C16orf96: variants seen among roughly 807,000 people sequenced by gnomAD.
C16orf96 encodes chromosome 16 open reading frame 96, also known as uncharacterized protein C16orf96.
In C16orf96, 108 loss-of-function variants were observed where a neutral mutation model predicts 103.6. That is an observed-to-expected ratio of 1.04 (90% CI 0.89 to 1.22). The LOEUF (loss-of-function observed/expected upper bound fraction) is 1.22, where lower values mean the gene tolerates loss of function less well. Ranked by LOEUF, C16orf96 falls within the 50% of genes most tolerant of loss-of-function variation. The pLI is 0.00. For synonymous variants in C16orf96, 566 were observed against 593.5 expected, an observed-to-expected ratio of 0.95 and a Z score of 0.67; for missense variants, 1,586 against 1,464.2, an observed-to-expected ratio of 1.08 and a Z score of -1.36.
intron 2 of C16orf96, 105 bp downstream of exon 2, chr16:4,571,770 A>C: frequency 1.0e-6 from 1 of 1,001,938 alleles, no homozygotes; most frequent in South Asian, 1.6e-5. Flanking sequence ...CCAAGAGTGC[A>C]GCTGTGAGGG....
At chr16:4,547,454 A>G in the C16orf96 span, among the ~76,000 whole-genome samples, 3 of 148,796 alleles carry the variant, frequency 2.0e-5, no homozygotes, top group East Asian at 1.9e-4. Flanking sequence ...TGTGTGATTC[A>G]GTTTACATTA....
At chr16:4,573,692 C>T (rs2059465934) in intron 2 of C16orf96, among the ~76,000 whole-genome samples, 1 of 137,198 alleles carries the variant, frequency 7.3e-6, no homozygotes, top group African/African-American at 2.8e-5. Context: ...GTGGAGCTTG[C>T]AGTGAGCCGA....
At position 4,594,805 on chromosome 16, in the gene C16orf96, TGAGG is replaced by T; in HGVS notation, c.3127+4_3127+7del. ...TGGCCGTCGCAAAGGAGCTGGCAGG[TGAGG>T]GGCGTAGGGCTCCCTGGGGCACCCT... On this transcript the variant is annotated splice_donor_5th_base_variant and intron_variant, in intron 14 of 15. Coordinates refer to ENST00000444310, the MANE Select transcript of C16orf96 (RefSeq NM_001145011.2). 1 of 1,549,690 alleles carries T rather than the reference TGAGG, an allele frequency of 6.5e-7. No individual in the cohort carries two copies. Among genetic ancestry groups the T allele is most frequent in the Non-Finnish European group, 8.7e-7 (1 of 1,146,752 alleles).
chr16:4,572,744 A>G (rs887822068), intron 2 of C16orf96, among the ~76,000 whole-genome samples: 1 of 152,166 alleles, frequency 6.6e-6, no homozygotes, highest in African/African-American at 2.4e-5. Flanking sequence ...CTCTGTCCAC[A>G]TGGAAAGTGG....
Position 4,576,096 on chromosome 16 carries a change from C to T in C16orf96, c.1616C>T (p.Pro539Leu). 6.4e-7 allele frequency: 1 copy of T among 1,551,082 alleles called. No homozygotes were observed. Among genetic ancestry groups the T allele is most frequent in the Non-Finnish European group, 8.7e-7 (1 of 1,146,816 alleles). Reference sequence around the variant, plus strand: ...GATAGAGGTGGCAAAGATGGGGACCCCAAGGATAGAGTTGGCAAGGATGGG... The same window carrying T: ...GATAGAGGTGGCAAAGATGGGGACCTCAAGGATAGAGTTGGCAAGGATGGG... ...PKDRGGKDGD[P>L]KDRVGKDGAP... The change falls in exon 5 of 16, where the codon CCC becomes CTC. Residue 539 changes from proline (P) to leucine (L), a missense_variant. Coordinates refer to ENST00000444310, the MANE Select transcript of C16orf96 (RefSeq NM_001145011.2).
At chr16:4,580,993 G>C (rs1417309805) in intron 7 of C16orf96, among the ~76,000 whole-genome samples, 3 of 151,030 alleles carry the variant, frequency 2.0e-5, no homozygotes, top group African/African-American at 4.9e-5. Context: ...GCGTGGTGGC[G>C]CATGCCTGTA....
chr16:4,586,105 C>G (rs1359066934), intron 7 of C16orf96, among the ~76,000 whole-genome samples: 1 of 152,106 alleles, frequency 6.6e-6, no homozygotes, highest in East Asian at 1.9e-4. Flanking sequence ...ACTAAAAATA[C>G]AAAACTTAGC....
chr16:4,555,486 C>T (rs370496829), upstream of C16orf96, among the ~76,000 whole-genome samples: 11 of 151,686 alleles, frequency 7.3e-5, no homozygotes, highest in East Asian at 1.8e-3. Flanking sequence ...CAATTCTCTG[C>T]CTCAGCCTCC....
At chr16:4,592,278 A>G in intron 10 of C16orf96, 27 bp from the exon 11 acceptor site, 3 of 1,551,368 alleles carry the variant, frequency 1.9e-6, no homozygotes, top group East Asian at 2.4e-5. Flanking sequence ...CAGCAGGGGC[A>G]GCGGCTGATG....
chr16:4,577,769 A>G (rs148326874), intron 5 of C16orf96, among the ~76,000 whole-genome samples: 111 of 152,316 alleles, frequency 7.3e-4, no homozygotes, highest in Admixed American at 1.2e-3. Flanking sequence ...CAGCCTGGCC[A>G]ACATAGCGAA....
rs1227477354 is a variant in C16orf96, at chr16:4,587,128, G to A, written c.2427+15G>A. 9.7e-6 allele frequency: 15 copies of A among 1,549,872 alleles called. No homozygotes were observed. Among genetic ancestry groups the A allele is most frequent in the Non-Finnish European group, 1.2e-5 (14 of 1,145,742 alleles). ...AGCTGAGAGAGGTGAGTGAGCAGAG[G>A]TTCCTCTGCCTTCCCTGCTCCCCTA... On this transcript the variant is annotated intron_variant, in intron 8 of 15. Transcript: ENST00000444310.
At chr16:4,564,783 C>G (rs1195283515) in intron 1 of C16orf96, among the ~76,000 whole-genome samples, 1 of 152,184 alleles carries the variant, frequency 6.6e-6, no homozygotes, top group Admixed American at 6.5e-5. Context: ...TGCACTCCAG[C>G]CTGAGCGACA....
chr16:4,567,535 G>A (rs1463240572), intron 1 of C16orf96, among the ~76,000 whole-genome samples: 14 of 151,010 alleles, frequency 9.3e-5, no homozygotes, highest in African/African-American at 2.4e-4. Context: ...CGCCCACCTC[G>A]GCCTCCCAAA....
intron 9 of C16orf96, among the ~76,000 whole-genome samples, chr16:4,589,098 C>A (rs1896996034): frequency 6.6e-6 from 1 of 152,164 alleles, no homozygotes; most frequent in South Asian, 2.1e-4. Flanking sequence ...CAGAGACTCT[C>A]CTCCTCCACC....
intron 1 of C16orf96, chr16:4,559,901 G>A (rs539059320): frequency 3.3e-5 from 5 of 152,230 alleles, no homozygotes; most frequent in Admixed American, 1.3e-4. Flanking sequence ...GCTCAGGAAG[G>A]GGGGAACAGA....
At chr16:4,567,477 G>A (rs530320407) in intron 1 of C16orf96, among the ~76,000 whole-genome samples, 87 of 150,314 alleles carry the variant, frequency 5.8e-4, no homozygotes, top group Admixed American at 1.5e-3. Context: ...TAGTAGAGAC[G>A]GGGTTTCACC....
intron 1 of C16orf96, among the ~76,000 whole-genome samples, chr16:4,559,651 A>G (rs1189489468): frequency 6.6e-6 from 1 of 152,176 alleles, no homozygotes; most frequent in Non-Finnish European, 1.5e-5. Context: ...ATTAATGAAA[A>G]TTCGGTGGCA....
intron 14 of C16orf96, among the ~76,000 whole-genome samples, chr16:4,597,024 C>A (rs1186571121): frequency 2.0e-5 from 3 of 152,204 alleles, no homozygotes; most frequent in Non-Finnish European, 4.4e-5. Flanking sequence ...GCTAATTATA[C>A]CTGCAAAGAC....
chr16:4,558,141 A>C (rs911353211), intron 1 of C16orf96, among the ~76,000 whole-genome samples: 5 of 152,172 alleles, frequency 3.3e-5, no homozygotes, highest in African/African-American at 1.2e-4. Flanking sequence ...TGCCTTACAG[A>C]AGAGGAAACT....
Sources: gnomAD v4.1 joint callset for allele counts (sites outside exome capture counted in the v4.1 genomes callset) on GRCh38, gnomAD v4.1.1 for gene constraint, MANE v1.5 for transcripts, NCBI Gene and HGNC (gene_info 2026-07-23, HGNC 2026-07-21) for gene names.